Variants in HDAC4 observed in about 807,000 individuals in gnomAD.
HDAC4 encodes histone deacetylase 4, also known as histone deacetylase A.
Under a neutral mutation model 135.1 loss-of-function variants are expected in HDAC4, and 16 were observed. That is an observed-to-expected ratio of 0.12 (90% CI 0.08 to 0.18). The LOEUF (loss-of-function observed/expected upper bound fraction) is 0.18, where lower values mean the gene tolerates loss of function less well. HDAC4 is among the 10% of genes least tolerant of loss of function. The pLI is 1.00. For synonymous variants in HDAC4, 685 were observed against 653.4 expected (o/e 1.05, Z -0.74); for missense variants, 1,143 against 1,511.8 (o/e 0.76, Z 4.05).
intron 2 of HDAC4, 97 bp from the exon 3 acceptor site, chr2:239,236,761 G>T: frequency 2.4e-6 from 2 of 833,246 alleles, no homozygotes; most frequent in Non-Finnish European, 4.1e-6. Context: ...CCCAAACAAT[G>T]AAATGCATGT....
intron 1 of HDAC4, among the ~76,000 whole-genome samples, chr2:239,367,067 G>A (rs1320202553): frequency 6.6e-6 from 1 of 152,084 alleles, no homozygotes; most frequent in African/African-American, 2.4e-5. Context: ...GGCCAAATAA[G>A]TGATCAGCCC....
intron 7 of HDAC4, 51 bp from the exon 8 acceptor site, chr2:239,144,765 G>A: frequency 6.3e-7 from 1 of 1,597,104 alleles, no homozygotes; most frequent in Non-Finnish European, 8.6e-7. Flanking sequence ...ACTGGCTCAA[G>A]GTTATCCTGT....
At chr2:239,149,373 A>AAAAG (rs1553634371) in intron 7 of HDAC4, among the ~76,000 whole-genome samples, 1 of 149,476 alleles carries the variant, frequency 6.7e-6, no homozygotes, top group Non-Finnish European at 1.5e-5. Flanking sequence ...GTTCCGTTTC[A>AAAAG]AAATAAATAA....
In HDAC4 at chr2:239,190,364, G is replaced by A. The variant is rs188803365; in HGVS notation, c.95-287C>T. ...CCCTGTTCCTTCCTCCACCCTCCCC[G>A]GGAGGCCGGCTCTCAGAGGACCCCG... On this transcript the variant is annotated intron_variant, in intron 3 of 26. Coordinates refer to ENST00000543185, the MANE Select transcript of HDAC4 (RefSeq NM_001378414.1). 1.2e-3 allele frequency among the ~76,000 whole-genome samples: 185 copies of A among 152,314 alleles called. No individual in the cohort carries two copies. In the East Asian group the frequency reaches 0.029, roughly 24 times the overall value.
intron 3 of HDAC4, among the ~76,000 whole-genome samples, chr2:239,232,102 A>G (rs2047609287): frequency 6.6e-6 from 1 of 152,182 alleles, no homozygotes; most frequent in African/African-American, 2.4e-5. Flanking sequence ...GAGCGCCTGC[A>G]AGGCCTGGCT....
chr2:239,064,378 C>A (rs997510427), intron 24 of HDAC4, among the ~76,000 whole-genome samples: 4 of 152,198 alleles, frequency 2.6e-5, no homozygotes, highest in African/African-American at 9.6e-5. Context: ...CTGTGCTGCT[C>A]CCACTTCTGG....
At chr2:239,234,540 C>A (rs2047771284) in intron 3 of HDAC4, among the ~76,000 whole-genome samples, 1 of 152,220 alleles carries the variant, frequency 6.6e-6, no homozygotes, top group African/African-American at 2.4e-5. Flanking sequence ...CAACGGGACA[C>A]TGAGATGACA....
intron 4 of HDAC4, among the ~76,000 whole-genome samples, chr2:239,180,884 G>A (rs941726194): frequency 4.4e-4 from 67 of 152,354 alleles, no homozygotes; most frequent in African/African-American, 1.5e-3. Context: ...CACAGCGCTG[G>A]TCTTTCCCGG....
At chr2:239,104,481 C>T (rs979894935) in intron 15 of HDAC4, among the ~76,000 whole-genome samples, 31 of 152,330 alleles carry the variant, frequency 2.0e-4, no homozygotes, top group Admixed American at 7.8e-4. Context: ...CCACCCGCCA[C>T]GGCCTCCCAA....
rs1316805476 is a variant in HDAC4, at chr2:239,400,259, C to T, written c.-220+719G>A. The T allele has an allele frequency of 6.6e-6, 1 of 151,186 alleles. No homozygotes were observed. The allele number at this position is 151,186 out of a possible 1,614,324, so 9.4% of individuals were successfully genotyped here. A position where few individuals can be genotyped will look rare whatever the true frequency, so the allele number is the denominator to read the frequency against. On this transcript the variant is annotated intron_variant, in intron 1 of 26. Transcript: ENST00000543185. The surrounding 1 kb of genome is among the most constrained non-coding windows in gnomAD (Gnocchi z 4.7). Reference sequence around the variant, plus strand: ...CGACGACAAGCGCGGGGCCGCGGACCCCCGGCAGGGACGTTTTTCTGCAAA... The same window carrying T: ...CGACGACAAGCGCGGGGCCGCGGACTCCCGGCAGGGACGTTTTTCTGCAAA...
At chr2:239,332,718 A>G (rs1407460507) in intron 2 of HDAC4, among the ~76,000 whole-genome samples, 5 of 152,002 alleles carry the variant, frequency 3.3e-5, no homozygotes, top group African/African-American at 4.8e-5. Flanking sequence ...AACAAAAATA[A>G]TAGCAATAAG....
At chr2:239,391,109 G>A (rs1465376835) in intron 1 of HDAC4, among the ~76,000 whole-genome samples, 2 of 152,184 alleles carry the variant, frequency 1.3e-5, no homozygotes, top group South Asian at 2.1e-4. Flanking sequence ...TGGCCAAGGC[G>A]CAATCTGGAC....
At chr2:239,249,587 A>G (rs1228477934) in intron 2 of HDAC4, among the ~76,000 whole-genome samples, 1 of 151,738 alleles carries the variant, frequency 6.6e-6, no homozygotes, top group Non-Finnish European at 1.5e-5. Flanking sequence ...TTTCTCAGGA[A>G]AAAAAAAATC....
At position 239,308,404 on chromosome 2, in the gene HDAC4, T is replaced by C. The variant is rs1243881627; in HGVS notation, c.22+44274A>G. Among the ~76,000 whole-genome samples, 1 of 151,730 alleles carries C rather than the reference T, an allele frequency of 6.6e-6. No homozygotes were observed. Among genetic ancestry groups the C allele is most frequent in the African/African-American group, 2.4e-5 (1 of 41,198 alleles). ...CACTTCCATGAGGCTGTAATCAACT[T>C]GGGAGTGAGGAGTTCCTTAGCTTCC... On this transcript the variant is annotated intron_variant, in intron 2 of 26. Transcript: ENST00000543185. The surrounding 1 kb of genome is among the most constrained non-coding windows in gnomAD (Gnocchi z 4.2).
At chr2:239,380,871 G>T (rs375066350) in intron 1 of HDAC4, among the ~76,000 whole-genome samples, 1 of 152,074 alleles carries the variant, frequency 6.6e-6, no homozygotes, top group Non-Finnish European at 1.5e-5. Context: ...CTCAGAAAAC[G>T]AGGGATGCCC....
chr2:239,284,713 C>T lies in HDAC4; in HGVS notation c.23-48049G>A, dbSNP rs1224755671. Among the ~76,000 whole-genome samples, 6 of 152,254 alleles carry T rather than the reference C, an allele frequency of 3.9e-5. No homozygotes were observed. The South Asian group carries it at 8.3e-4, about 21-fold the overall frequency. ...GATCTGCAGGGGGAAAGGCACCAGACGGTGAGCGCCCACGCCCCAGAGCCA... is the reference window on the plus strand; with the variant it reads ...GATCTGCAGGGGGAAAGGCACCAGATGGTGAGCGCCCACGCCCCAGAGCCA... On this transcript the variant is annotated intron_variant, in intron 2 of 26. Coordinates refer to ENST00000543185, the MANE Select transcript of HDAC4 (RefSeq NM_001378414.1).
intron 14 of HDAC4, among the ~76,000 whole-genome samples, chr2:239,108,971 C>T (rs995351872): frequency 6.6e-6 from 1 of 152,246 alleles, no homozygotes; most frequent in African/African-American, 2.4e-5. Context: ...GGATGCCACC[C>T]TGTCTCAGTC....
chr2:239,393,618 C>T (rs1559406373), intron 1 of HDAC4, among the ~76,000 whole-genome samples: 1 of 151,780 alleles, frequency 6.6e-6, no homozygotes. Flanking sequence ...CCCAGCCTCC[C>T]CTTCCTCCTC....
In HDAC4 at chr2:239,262,511, C is replaced by A. The variant is rs2049432270; in HGVS notation, c.23-25847G>T. ...TCACCCTTGCCTTGTTTGCCCAGGTCCGAGATGAGGTAATGCCATTAGCAG... is the reference window on the plus strand; with the variant it reads ...TCACCCTTGCCTTGTTTGCCCAGGTACGAGATGAGGTAATGCCATTAGCAG... On this transcript the variant is annotated intron_variant, in intron 2 of 26. Coordinates refer to ENST00000543185, the MANE Select transcript of HDAC4 (RefSeq NM_001378414.1). The surrounding 1 kb of genome is among the most constrained non-coding windows in gnomAD (Gnocchi z 4.1). 6.6e-6 allele frequency among the ~76,000 whole-genome samples: 1 copy of A among 152,228 alleles called. No homozygotes were observed. The highest frequency in any genetic ancestry group is 2.1e-4 in the South Asian group (1 of 4,838).
Sources: allele counts gnomAD v4.1 joint callset (sites outside exome capture counted in the v4.1 genomes callset), GRCh38; gene constraint gnomAD v4.1.1; non-coding constraint Gnocchi (gnomAD v3.1); transcripts MANE v1.5; gene names NCBI Gene and HGNC (gene_info 2026-07-23, HGNC 2026-07-21).